Variants in PCDH11X observed in about 807,000 individuals in gnomAD.
PCDH11X encodes the protein protocadherin 11 X-linked, also known as protocadherin-11 X-linked.
PCDH11X carries 18 observed loss-of-function variants against 53.3 expected under a neutral mutation model. The observed-to-expected ratio is 0.34, with a 90% CI of 0.23 to 0.50. The LOEUF (loss-of-function observed/expected upper bound fraction) is 0.50, where lower values mean the gene tolerates loss of function less well. PCDH11X is among the 20% of genes least tolerant of loss of function. PCDH11X has a pLI of 0.98. For missense variants in PCDH11X, 570 were observed against 1,032.4 expected, an observed-to-expected ratio of 0.55 and a Z score of 6.14; for synonymous variants, 279 against 393.3, an observed-to-expected ratio of 0.71 and a Z score of 3.44.
intron 8 of PCDH11X, among the ~76,000 whole-genome samples, chrX:92,383,720 T>G (rs2070943348): frequency 8.9e-6 from 1 of 112,134 alleles, no homozygotes; most frequent in Admixed American, 9.5e-5. Context: ...TAATCCAGTC[T>G]ATCATTGTTG....
intron 4 of PCDH11X, among the ~76,000 whole-genome samples, chrX:91,824,549 T>C (rs1338526599): frequency 9.2e-6 from 1 of 108,878 alleles, no homozygotes; most frequent in African/African-American, 3.4e-5. Flanking sequence ...CACTTCTCTG[T>C]ATTGGTTATT....
intron 8 of PCDH11X, among the ~76,000 whole-genome samples, chrX:92,317,474 A>G (rs2069104913): frequency 9.0e-6 from 1 of 111,330 alleles, no homozygotes; most frequent in Non-Finnish European, 1.9e-5. Context: ...TTCTCAATGC[A>G]CATTGTATTT....
chrX:92,361,539 T>C (rs997575317), intron 8 of PCDH11X, among the ~76,000 whole-genome samples: 5 of 111,693 alleles, frequency 4.5e-5, no homozygotes, highest in African/African-American at 1.6e-4. Flanking sequence ...TCTCAGTCCA[T>C]AGCTTTTTGA....
intron 6 of PCDH11X, among the ~76,000 whole-genome samples, chrX:92,141,241 A>G: frequency 8.9e-6 from 1 of 111,750 alleles, no homozygotes; most frequent in Non-Finnish European, 1.9e-5. Context: ...AATGTTATAT[A>G]GTTTTTAAAA....
intron 8 of PCDH11X, among the ~76,000 whole-genome samples, chrX:92,361,703 T>C (rs1261651941): frequency 9.3e-6 from 1 of 107,743 alleles, no homozygotes; most frequent in Admixed American, 1.0e-4. Flanking sequence ...TTTTTAAGTA[T>C]ACAGTTCAAT....
intron 9 of PCDH11X, among the ~76,000 whole-genome samples, chrX:92,461,481 G>A (rs1406469533): frequency 2.7e-5 from 3 of 111,803 alleles, no homozygotes; most frequent in Non-Finnish European, 5.6e-5. Context: ...TCATTAAATG[G>A]TTCTGGGAAA....
At chrX:92,237,888 A>G (rs2067199608) in intron 7 of PCDH11X, among the ~76,000 whole-genome samples, 1 of 111,827 alleles carries the variant, frequency 8.9e-6, no homozygotes, top group Admixed American at 9.6e-5. Context: ...TCAATGGACA[A>G]TTGTTTACAG....
intron 7 of PCDH11X, among the ~76,000 whole-genome samples, chrX:92,212,444 G>A (rs751290585): frequency 9.8e-4 from 109 of 111,554 alleles, no homozygotes; most frequent in Non-Finnish European, 1.8e-3. Context: ...TCCACCTCCC[G>A]GTTTCAAGCA....
intron 6 of PCDH11X, among the ~76,000 whole-genome samples, chrX:92,185,992 C>A (rs1235933046): frequency 9.0e-6 from 1 of 111,256 alleles, no homozygotes; most frequent in Non-Finnish European, 1.9e-5. Flanking sequence ...TATGATTCAG[C>A]AATCTTACTA....
chrX:92,290,905 C>CT (rs770461581), intron 8 of PCDH11X, among the ~76,000 whole-genome samples: 1,168 of 97,578 alleles, frequency 0.012, 13 homozygotes, highest in African/African-American at 0.035. Context: ...TTTCTTTTGT[C>CT]TTTTTTTTTT....
intron 8 of PCDH11X, among the ~76,000 whole-genome samples, chrX:92,318,533 C>T (rs977069126): frequency 1.8e-5 from 2 of 111,092 alleles, no homozygotes; most frequent in African/African-American, 6.5e-5. Context: ...AAAATACAGG[C>T]CACAACTGCA....
At chrX:91,962,967 C>T (rs764798220) in intron 6 of PCDH11X, among the ~76,000 whole-genome samples, 59 of 110,600 alleles carry the variant, frequency 5.3e-4, no homozygotes, top group African/African-American at 1.9e-3. Flanking sequence ...AGCAGCAAGG[C>T]CTTGGGTCCA....
chrX:92,508,053 G>A (rs1323174005), intron 10 of PCDH11X, among the ~76,000 whole-genome samples: 1 of 110,540 alleles, frequency 9.0e-6, no homozygotes, highest in Non-Finnish European at 1.9e-5. Flanking sequence ...GGCCTCAAGT[G>A]ATCTGCCGAC....
At chrX:92,112,275 C>A (rs1332973714) in intron 6 of PCDH11X, among the ~76,000 whole-genome samples, 1 of 105,870 alleles carries the variant, frequency 9.4e-6, no homozygotes, top group South Asian at 4.2e-4. Flanking sequence ...AGCAGGCAGG[C>A]TCATAGATTT....
chrX:92,591,586 A>T lies in PCDH11X; in HGVS notation c.3368-26678A>T, dbSNP rs775751871. 7.2e-5 allele frequency among the ~76,000 whole-genome samples: 8 copies of T among 111,551 alleles called. No individual in the cohort carries two copies. The East Asian group carries it at 2.0e-3, about 28-fold the overall frequency. On this transcript the variant is annotated intron_variant, in intron 10 of 10. Transcript: ENST00000682573. ...TACAGATCCCTGGAGCAAAAACTAG[A>T]TAAAGGTTTCTTCTTGTCTTGCTTT...
intron 8 of PCDH11X, among the ~76,000 whole-genome samples, chrX:92,288,760 G>GT (rs1197849080): frequency 9.2e-6 from 1 of 108,680 alleles, no homozygotes; most frequent in East Asian, 2.9e-4. Context: ...ATCTTGATGT[G>GT]GTTTTTTTCA....
chrX:91,993,994 G>A (rs1208730982), intron 6 of PCDH11X, among the ~76,000 whole-genome samples: 1 of 89,007 alleles, frequency 1.1e-5, no homozygotes, highest in Non-Finnish European at 2.2e-5. Flanking sequence ...TGGTGAAGGC[G>A]GCAGAGGAAT....
chrX:91,802,869 T>C (rs1935980590), intron 1 of PCDH11X, among the ~76,000 whole-genome samples: 1 of 111,262 alleles, frequency 9.0e-6, no homozygotes, highest in Non-Finnish European at 1.9e-5. Flanking sequence ...GTCCGGACAA[T>C]TACTTAGTCT....
In PCDH11X at chrX:92,268,777, T is replaced by C. The variant is rs73630164; in HGVS notation, c.3144+5634T>C. Among the ~76,000 whole-genome samples, 166 of 111,943 alleles carry C rather than the reference T, an allele frequency of 1.5e-3. 1 individual carries two copies. The highest frequency in any genetic ancestry group is 5.1e-3 in the African/African-American group (156 of 30,821). The stretch of plus-strand genomic sequence containing the variant: ...TAATGTAAAGGACACTTTGATCTTT[T>C]GGGATTCTCCATCTATGCTAGTGTC... On this transcript the variant is annotated intron_variant, in intron 8 of 10. Transcript: ENST00000682573.
Sources: gnomAD v4.1 joint callset for allele counts (sites outside exome capture counted in the v4.1 genomes callset) on GRCh38, gnomAD v4.1.1 for gene constraint, MANE v1.5 for transcripts, NCBI Gene and HGNC (gene_info 2026-07-23, HGNC 2026-07-21) for gene names.